RIPK1: variants seen among roughly 807,000 people sequenced by gnomAD.
RIPK1 encodes the protein receptor-interacting serine/threonine-protein kinase 1.
In RIPK1, 27 loss-of-function variants were observed where a neutral mutation model predicts 62.4. That is an observed-to-expected ratio of 0.43 (90% CI 0.32 to 0.60). The LOEUF (loss-of-function observed/expected upper bound fraction) is 0.60, where lower values mean the gene tolerates loss of function less well. Among genes scored for constraint, RIPK1 ranks in the 20% least tolerant of loss-of-function variants. RIPK1 has a pLI of 0.07. For missense variants in RIPK1, 735 were observed against 831.0 expected, an observed-to-expected ratio of 0.88 and a Z score of 1.42; for synonymous variants, 287 against 303.2, an observed-to-expected ratio of 0.95 and a Z score of 0.55.
At chr6:3,080,706 T>C (rs1759327750) in intron 3 of RIPK1, among the ~76,000 whole-genome samples, 1 of 152,232 alleles carries the variant, frequency 6.6e-6, no homozygotes, top group East Asian at 1.9e-4. Context: ...ATTTTTGTTC[T>C]CAAGGAGCTT....
chr6:3,110,716 C>A, intron 9 of RIPK1, 87 bp from the exon 10 acceptor site: 1 of 803,964 alleles, frequency 1.2e-6, no homozygotes, highest in Non-Finnish European at 1.9e-6. Context: ...TAATGTTTGG[C>A]ATAAAGCCCT....
intron 9 of RIPK1, among the ~76,000 whole-genome samples, chr6:3,109,625 AT>A (rs1288287240): frequency 6.6e-6 from 1 of 152,116 alleles, no homozygotes; most frequent in Non-Finnish European, 1.5e-5. Context: ...TGTTAGCCAC[AT>A]TTTTTTATGG....
chr6:3,066,941 C>T (rs1468228585), upstream of RIPK1, among the ~76,000 whole-genome samples: 1 of 151,874 alleles, frequency 6.6e-6, no homozygotes, highest in Non-Finnish European at 1.5e-5. Flanking sequence ...TTTTTACTAT[C>T]TCCGTAGTTT....
In RIPK1 at chr6:3,085,328, C is replaced by G; in HGVS notation, c.758C>G (p.Thr253Ser). Residue 253 changes from threonine to serine, a missense_variant, in exon 6 of 11, where the codon ACT becomes AGT. Thr to Ser is a moderately conservative substitution (Grantham distance 58). Transcript: ENST00000259808. ...AACAGGCCAGATGTGGATGACATCA[C>G]TGAGTACTGCCCAAGAGAAATTATC... The part of the protein sequence containing the change: ...SGNRPDVDDI[T>S]EYCPREIISL... The G allele has an allele frequency of 6.2e-7, 1 of 1,614,190 alleles. No homozygotes were observed.
At chr6:3,109,384 G>A (rs542403865) in intron 9 of RIPK1, among the ~76,000 whole-genome samples, 1 of 152,198 alleles carries the variant, frequency 6.6e-6, no homozygotes, top group South Asian at 2.1e-4. Context: ...GAAATCTGGT[G>A]GGACTGGAGT....
At position 3,096,808 on chromosome 6, in the gene RIPK1, C is replaced by T. The variant is rs142338141; in HGVS notation, c.915+7151C>T. ...TCTCCCGACCTCGTGATCTGCCCGTCTCAGCCTCCCAGAGTGCTGGGATTA... is the reference window on the plus strand; with the variant it reads ...TCTCCCGACCTCGTGATCTGCCCGTTTCAGCCTCCCAGAGTGCTGGGATTA... On this transcript the variant is annotated intron_variant, in intron 7 of 10. Transcript: ENST00000259808. Among the ~76,000 whole-genome samples the T allele has an allele frequency of 3.7e-3, 564 of 151,834 alleles. 6 individuals are homozygous for T. The highest frequency in any genetic ancestry group is 0.013 in the African/African-American group (549 of 41,366).
chr6:3,070,184 G>A (rs1758635767), intron 1 of RIPK1, among the ~76,000 whole-genome samples: 1 of 152,128 alleles, frequency 6.6e-6, no homozygotes, highest in South Asian at 2.1e-4. Context: ...GAGCCTCAGA[G>A]ATATGTTGTA....
At chr6:3,096,121 A>G (rs1175307475) in intron 7 of RIPK1, among the ~76,000 whole-genome samples, 2 of 152,208 alleles carry the variant, frequency 1.3e-5, no homozygotes, top group African/African-American at 4.8e-5. Context: ...ACAAGGCATG[A>G]GCCACTGTGT....
chr6:3,105,375 GT>G lies in RIPK1; in HGVS notation c.1007-103del. 1.1e-6 allele frequency: 1 copy of G among 870,138 alleles called. No individual in the cohort carries two copies. The highest frequency in any genetic ancestry group is 1.8e-5 in the South Asian group (1 of 56,802). 53.9% of individuals were successfully genotyped at this position (870,138 alleles called of 1,614,324 possible). On this transcript the variant is annotated intron_variant, in intron 8 of 10. Coordinates refer to ENST00000259808, the MANE Select transcript of RIPK1 (RefSeq NM_001354930.2). This position sits in a 1 kb window ranked among gnomAD's most constrained non-coding sequence, Gnocchi z 4.5. ...AATGCTTTGGACTGGTCTCGTACTT[GT>G]TTTCTGTGTGTTACTTTGAGATACA...
chr6:3,089,776 A>G lies in RIPK1; in HGVS notation c.915+119A>G, dbSNP rs181477512. 1.5e-3 allele frequency: 1,007 copies of G among 652,638 alleles called. 3 individuals are homozygous for G. The highest frequency in any genetic ancestry group is 2.3e-3 in the Non-Finnish European group (845 of 365,064). 40.4% of individuals were successfully genotyped at this position (652,638 alleles called of 1,614,324 possible). A position where few individuals can be genotyped will look rare whatever the true frequency, so the allele number is the denominator to read the frequency against. ...TGAGGTAAGCTAGCTTGGTAAACAT[A>G]TAAAACAAAATGAGCAATTGTCTGC... On this transcript the variant is annotated intron_variant, in intron 7 of 10. Transcript: ENST00000259808.
chr6:3,094,153 C>T lies in RIPK1; in HGVS notation c.915+4496C>T, dbSNP rs148931870. On this transcript the variant is annotated intron_variant, in intron 7 of 10. Coordinates refer to ENST00000259808, the MANE Select transcript of RIPK1 (RefSeq NM_001354930.2). Reference sequence around the variant, plus strand: ...TAGTAACTGCAGAGTACCTACCTGCCGCACCTAGTAACTGTAGCGTACCTA... The same window carrying T: ...TAGTAACTGCAGAGTACCTACCTGCTGCACCTAGTAACTGTAGCGTACCTA... Among the ~76,000 whole-genome samples, 1,239 of 134,528 alleles carry T rather than the reference C, an allele frequency of 9.2e-3. 190 individuals carry two copies. The highest frequency in any genetic ancestry group is 0.044 in the African/African-American group (1,160 of 26,248). The allele number at this position is 134,528 out of a possible 152,430, so 88.3% of individuals were successfully genotyped here. A position where few individuals can be genotyped will look rare whatever the true frequency, so the allele number is the denominator to read the frequency against.
chr6:3,076,715 T>C (rs1442371469), intron 1 of RIPK1, 49 bp from the exon 2 acceptor site: 2 of 387,592 alleles, frequency 5.2e-6, no homozygotes, highest in African/African-American at 2.4e-5. Context: ...TATATATATA[T>C]ATATATATAT....
In RIPK1 at chr6:3,085,368, C is replaced by G. The variant is rs139597659; in HGVS notation, c.798C>G (p.Leu266=). ...GAGAAATTATCAGTCTCATGAAGCT[C>G]TGCTGGGAAGCGAATCCGGAAGCTC... is the stretch of plus-strand genomic sequence containing the variant. ...CPREIISLMK[L]CWEANPEARP... Residue 266 remains leucine, a synonymous_variant, in exon 6 of 11, where the codon CTC becomes CTG. Transcript: ENST00000259808. The G allele has an allele frequency of 5.6e-6, 9 of 1,614,216 alleles. No individual in the cohort carries two copies. Among genetic ancestry groups the G allele is most frequent in the Non-Finnish European group, 7.6e-6 (9 of 1,180,038 alleles).
At chr6:3,104,397 C>T (rs1760729633) in intron 8 of RIPK1, 82 bp downstream of exon 8, 1 of 730,768 alleles carries the variant, frequency 1.4e-6, no homozygotes, top group African/African-American at 1.8e-5. Flanking sequence ...CTATTCAGGA[C>T]CATATGGGAA....
chr6:3,077,046 T>C (rs926285468), intron 2 of RIPK1, 59 bp downstream of exon 2: 2 of 1,491,148 alleles, frequency 1.3e-6, no homozygotes, highest in Non-Finnish European at 1.8e-6. Flanking sequence ...ACGTTGGCTG[T>C]TGTGGAGCCG....
chr6:3,083,146 A>C lies in RIPK1; in HGVS notation c.521A>C (p.Asn174Thr), dbSNP rs764619495. The C allele has an allele frequency of 6.3e-5, 102 of 1,613,960 alleles. No individual in the cohort carries two copies. Among genetic ancestry groups the C allele is most frequent in the Non-Finnish European group, 8.1e-5 (95 of 1,179,962 alleles). ...MWSKLNNEEHNELREVDGTAK... is the reference protein window; with the variant it reads ...MWSKLNNEEHTELREVDGTAK... ...AGCAAACTGAATAATGAAGAGCACA[A>C]TGAGCTGAGGGAAGTGGACGGCACC... is the stretch of plus-strand genomic sequence containing the variant. Residue 174 changes from asparagine (N) to threonine (T), a missense_variant, in exon 5 of 11, where the codon AAT becomes ACT. This residue lies in a region of RIPK1 where 671 missense variants were observed against 726.2 expected (regional missense o/e 0.92). Transcript: ENST00000259808.
intron 1 of RIPK1, among the ~76,000 whole-genome samples, chr6:3,071,521 G>T (rs994666599): frequency 6.6e-6 from 1 of 152,120 alleles, no homozygotes; most frequent in Non-Finnish European, 1.5e-5. Flanking sequence ...GTAATAATAT[G>T]GTTATGCAGT....
intron 1 of RIPK1, among the ~76,000 whole-genome samples, chr6:3,075,565 T>C (rs143219628): frequency 6.6e-6 from 1 of 152,374 alleles, no homozygotes; most frequent in Non-Finnish European, 1.5e-5. Context: ...TCTTTGGTGC[T>C]TACTAGTGCT....
intron 7 of RIPK1, among the ~76,000 whole-genome samples, chr6:3,099,492 C>T (rs911029780): frequency 1.3e-5 from 2 of 151,998 alleles, no homozygotes; most frequent in South Asian, 2.1e-4. Flanking sequence ...TGCAGTGAGC[C>T]GAGATGGAGC....
Sources: allele counts gnomAD v4.1 joint callset (sites outside exome capture counted in the v4.1 genomes callset), GRCh38; gene constraint gnomAD v4.1.1; regional missense constraint gnomAD v4.1.1; non-coding constraint Gnocchi (gnomAD v3.1); transcripts MANE v1.5; gene names NCBI Gene and HGNC (gene_info 2026-07-23, HGNC 2026-07-21).